OR5B12: variants seen among roughly 807,000 people sequenced by gnomAD.
OR5B12 encodes the protein olfactory receptor family 5 subfamily B member 12.
For missense variants in OR5B12, 418 were observed against 377.0 expected (o/e 1.11, Z -0.90); for synonymous variants, 154 against 138.0 (o/e 1.12, Z -0.81).
Position 58,440,073 on chromosome 11 carries a change from T to A in OR5B12, c.79A>T (p.Ile27Leu). 6.2e-7 allele frequency: 1 copy of A among 1,614,052 alleles called. No homozygotes were observed. Among genetic ancestry groups the A allele is most frequent in the Non-Finnish European group, 8.5e-7 (1 of 1,179,944 alleles). The change falls in exon 2 of 2, where the codon ATA (isoleucine) becomes TTA (leucine). Residue 27 changes from isoleucine to leucine, a missense_variant. Physicochemically the swap from Ile to Leu is conservative, Grantham distance 5. Coordinates refer to ENST00000641921, the MANE Select transcript of OR5B12 (RefSeq NM_001004733.3). ...DDPELQIPLFIVFLFIYLITL... is the reference protein window; with the variant it reads ...DDPELQIPLFLVFLFIYLITL... ...ATGAGGTAGATGAAAAGGAAGACTA[T>A]GAAGAGTGGGATCTGCAGTTCTGGG...
chr11:58,441,805 C>T (rs939733996), intron 1 of OR5B12, among the ~76,000 whole-genome samples: 4 of 152,076 alleles, frequency 2.6e-5, no homozygotes, highest in Non-Finnish European at 5.9e-5. Flanking sequence ...CATAAACATG[C>T]AAATATTCAA....
rs965479144 is a variant in OR5B12, at chr11:58,439,052, A to G, written c.*155T>C. The G allele has an allele frequency of 4.6e-6, 2 of 435,034 alleles. No homozygotes were observed. Among genetic ancestry groups the G allele is most frequent in the Non-Finnish European group, 8.2e-6 (2 of 243,288 alleles). The allele number at this position is 435,034 out of a possible 1,614,324, so 26.9% of individuals were successfully genotyped here. The stretch of plus-strand genomic sequence containing the variant: ...AAATGTCCAGATTTTAACAACAAAA[A>G]AAGTGTCACTTAAAGAATGAAGAAA... On this transcript the variant is annotated 3_prime_UTR_variant, in exon 2 of 2. Transcript: ENST00000641921.
chr11:58,439,972 G>A lies in OR5B12; in HGVS notation c.180C>T (p.Phe60=). ...DSCLHTPMYF[F]LSNLSLVDFG... Reference sequence around the variant, plus strand: ...AGTCCACCAGGGAGAGGTTACTGAGGAAGAAGTACATGGGGGTGTGGAGAC... The same window carrying A: ...AGTCCACCAGGGAGAGGTTACTGAGAAAGAAGTACATGGGGGTGTGGAGAC... Residue 60 remains phenylalanine, a synonymous_variant, in exon 2 of 2, where the codon TTC becomes TTT. Transcript: ENST00000641921. 6.2e-7 allele frequency: 1 copy of A among 1,614,146 alleles called. No individual in the cohort carries two copies. Among genetic ancestry groups the A allele is most frequent in the Non-Finnish European group, 8.5e-7 (1 of 1,180,044 alleles).
rs1025291527 is a variant in OR5B12, at chr11:58,442,205, T to G, written c.-179A>C. On this transcript the variant is annotated 5_prime_UTR_variant, in exon 1 of 2. Coordinates refer to ENST00000641921, the MANE Select transcript of OR5B12 (RefSeq NM_001004733.3). Reference sequence around the variant, plus strand: ...AAAGTTCTTTAGAGGCAGGGGGAAATTGAAAGAAAAATGCTATTGGCTTTG... The same window carrying G: ...AAAGTTCTTTAGAGGCAGGGGGAAAGTGAAAGAAAAATGCTATTGGCTTTG... 41 of 152,224 alleles carry G rather than the reference T, an allele frequency of 2.7e-4. No individual in the cohort carries two copies. Among genetic ancestry groups the G allele is most frequent in the African/African-American group, 9.9e-4 (41 of 41,542 alleles). 9.4% of individuals were successfully genotyped at this position (152,224 alleles called of 1,614,324 possible). A position where few individuals can be genotyped will look rare whatever the true frequency, so the allele number is the denominator to read the frequency against.
chr11:58,441,710 A>T (rs1855502765), intron 1 of OR5B12, among the ~76,000 whole-genome samples: 1 of 152,210 alleles, frequency 6.6e-6, no homozygotes. Flanking sequence ...ATATTATGTA[A>T]AATTACTTAG....
rs1378704974 is a variant in OR5B12, at chr11:58,439,652, C to T, written c.500G>A (p.Cys167Tyr). Residue 167 changes from cysteine (C) to tyrosine (Y), a missense_variant, in exon 2 of 2, where the codon TGT becomes TAT. By Grantham distance (194) the Cys-to-Tyr change is radical. Coordinates refer to ENST00000641921, the MANE Select transcript of OR5B12 (RefSeq NM_001004733.3). ...HTGNTFRLSFCRSNVVEHFFC... is the reference protein window; with the variant it reads ...HTGNTFRLSFYRSNVVEHFFC... The stretch of plus-strand genomic sequence containing the variant: ...AAAGTGTTCAACTACATTGGATCTA[C>T]AGAAGGAGAGCCTGAAAGTGTTCCC... The T allele has an allele frequency of 3.7e-6, 6 of 1,613,942 alleles. No homozygotes were observed. The Admixed American group carries it at 8.3e-5, about 22-fold the overall frequency.
Position 58,439,661 on chromosome 11 carries a change from A to C in OR5B12, c.491T>G (p.Leu164Arg), listed in dbSNP as rs758101851. The C allele has an allele frequency of 1.2e-6, 2 of 1,614,134 alleles. No individual in the cohort carries two copies. Among genetic ancestry groups the C allele is most frequent in the Non-Finnish European group, 1.7e-6 (2 of 1,180,010 alleles). Residue 164 changes from leucine to arginine, a missense_variant, in exon 2 of 2, where the codon CTC becomes CGC. By Grantham distance (102) the Leu-to-Arg change is moderately radical. Coordinates refer to ENST00000641921, the MANE Select transcript of OR5B12 (RefSeq NM_001004733.3). The part of the protein sequence containing the change: ...ASIHTGNTFR[L>R]SFCRSNVVEH... ...AACTACATTGGATCTACAGAAGGAG[A>C]GCCTGAAAGTGTTCCCAGTATGAAT... is the stretch of plus-strand genomic sequence containing the variant.
In OR5B12 at chr11:58,439,062, T is replaced by G. The variant is rs1590716814; in HGVS notation, c.*145A>C. The G allele has an allele frequency of 1.3e-5, 6 of 449,234 alleles. No homozygotes were observed. In the East Asian group the frequency reaches 2.0e-4, roughly 15 times the overall value. The allele number at this position is 449,234 out of a possible 1,614,324, so 27.8% of individuals were successfully genotyped here. On this transcript the variant is annotated 3_prime_UTR_variant, in exon 2 of 2. Transcript: ENST00000641921. Reference sequence around the variant, plus strand: ...ATTTTAACAACAAAAAAAGTGTCACTTAAAGAATGAAGAAAGTATGGCCAA... The same window carrying G: ...ATTTTAACAACAAAAAAAGTGTCACGTAAAGAATGAAGAAAGTATGGCCAA...
intron 1 of OR5B12, among the ~76,000 whole-genome samples, chr11:58,441,178 A>T (rs1770820193): frequency 6.6e-6 from 1 of 152,188 alleles, no homozygotes; most frequent in Admixed American, 6.5e-5. Flanking sequence ...ACATGAGATT[A>T]GGTCTCCTCA....
Position 58,440,115 on chromosome 11 carries a change from C to T in OR5B12, c.37G>A (p.Val13Met). The T allele has an allele frequency of 6.2e-7, 1 of 1,611,922 alleles. No individual in the cohort carries two copies. The highest frequency in any genetic ancestry group is 8.5e-7 in the Non-Finnish European group (1 of 1,178,882). ...NNTEVTEFIL[V>M]GLTDDPELQI... ...AGTTCTGGGTCATCAGTTAACCCCA[C>T]AAGGATGAATTCAGTCACCTCTGTG... Residue 13 changes from valine to methionine, a missense_variant, in exon 2 of 2, where the codon GTG (valine) becomes ATG (methionine). Transcript: ENST00000641921.
rs529863747 is a variant in OR5B12 at position 58,440,174 on chromosome 11, T to A, written c.-19-4A>T. 9 of 1,496,702 alleles carry A rather than the reference T, an allele frequency of 6.0e-6. No individual in the cohort carries two copies. The highest frequency in any genetic ancestry group is 3.6e-4 in the Middle Eastern group (2 of 5,592). 92.7% of individuals were successfully genotyped at this position (1,496,702 alleles called of 1,614,324 possible). On this transcript the variant is annotated splice_polypyrimidine_tract_variant and splice_region_variant and intron_variant, in intron 1 of 1. Coordinates refer to ENST00000641921, the MANE Select transcript of OR5B12 (RefSeq NM_001004733.3). Reference sequence around the variant, plus strand: ...CATTGGGAATTATGTAGCTGCCCTGTAGAAATGAAAAGGCAGAATCAGAAT... The same window carrying A: ...CATTGGGAATTATGTAGCTGCCCTGAAGAAATGAAAAGGCAGAATCAGAAT...
Position 58,441,192 on chromosome 11 carries a change from CA to C in OR5B12, c.-20+853del, listed in dbSNP as rs111299171. Among the ~76,000 whole-genome samples, 88 of 152,226 alleles carry C rather than the reference CA, an allele frequency of 5.8e-4. 1 individual carries two copies. The highest frequency in any genetic ancestry group is 2.0e-3 in the African/African-American group (84 of 41,556). ...CACATGAGATTAGGTCTCCTCATTCCAATAGTTAGTTGTGCCTTATGTAATT... is the reference window on the plus strand; with the variant it reads ...CACATGAGATTAGGTCTCCTCATTCCATAGTTAGTTGTGCCTTATGTAATT... On this transcript the variant is annotated intron_variant, in intron 1 of 1. Coordinates refer to ENST00000641921, the MANE Select transcript of OR5B12 (RefSeq NM_001004733.3).
In OR5B12 at chr11:58,439,181, A is replaced by G. The variant is rs767874828; in HGVS notation, c.*26T>C. On this transcript the variant is annotated 3_prime_UTR_variant, in exon 2 of 2. Transcript: ENST00000641921. ...CAAAGATTAATATGAGGTGGAAAAA[A>G]TTATCTTATTGTGAATTCTTTATAA... The G allele has an allele frequency of 4.5e-6, 6 of 1,339,552 alleles. No homozygotes were observed. In the Admixed American group the frequency reaches 1.4e-4, roughly 30 times the overall value. 83.0% of individuals were successfully genotyped at this position (1,339,552 alleles called of 1,614,324 possible). A position where few individuals can be genotyped will look rare whatever the true frequency, so the allele number is the denominator to read the frequency against.
chr11:58,441,593 G>C (rs1300449308), intron 1 of OR5B12, among the ~76,000 whole-genome samples: 1 of 152,008 alleles, frequency 6.6e-6, no homozygotes, highest in Non-Finnish European at 1.5e-5. Flanking sequence ...AGTCTAAAAT[G>C]CTTCCAAATC....
Position 58,440,090 on chromosome 11 carries a change from A to G in OR5B12, c.62T>C (p.Leu21Pro), listed in dbSNP as rs1488732314. The change falls in exon 2 of 2, where the codon CTG becomes CCG. Residue 21 changes from leucine (L) to proline (P), a missense_variant. Transcript: ENST00000641921. Reference protein sequence around the residue: ...ILVGLTDDPELQIPLFIVFLF... With the variant: ...ILVGLTDDPEPQIPLFIVFLF... The stretch of plus-strand genomic sequence containing the variant: ...GAAGACTATGAAGAGTGGGATCTGC[A>G]GTTCTGGGTCATCAGTTAACCCCAC... The G allele has an allele frequency of 1.2e-6, 2 of 1,613,832 alleles. No homozygotes were observed. The highest frequency in any genetic ancestry group is 2.7e-5 in the African/African-American group (2 of 74,926).
chr11:58,439,903 A>G lies in OR5B12; in HGVS notation c.249T>C (p.Phe83=). Residue 83 remains phenylalanine, a synonymous_variant, in exon 2 of 2, where the codon TTT becomes TTC. Coordinates refer to ENST00000641921, the MANE Select transcript of OR5B12 (RefSeq NM_001004733.3). ...SAVTPKVMVG[F]LTGDKFILYN... is the part of the protein sequence containing the mutation. ...ATAATATGAATTTGTCTCCTGTGAG[A>G]AACCCCACCATCACCTTGGGAGTGA... The G allele has an allele frequency of 8.1e-6, 13 of 1,614,124 alleles. No individual in the cohort carries two copies. Among genetic ancestry groups the G allele is most frequent in the Non-Finnish European group, 1.1e-5 (13 of 1,180,030 alleles).
chr11:58,439,504 G>A lies in OR5B12; in HGVS notation c.648C>T (p.Tyr216=). The A allele has an allele frequency of 6.2e-7, 1 of 1,613,986 alleles. No homozygotes were observed. The highest frequency in any genetic ancestry group is 8.5e-7 in the Non-Finnish European group (1 of 1,179,992). The change falls in exon 2 of 2, where the codon TAC becomes TAT. Residue 216 remains tyrosine, a synonymous_variant. Transcript: ENST00000641921. ...LFSILVILIS[Y]LFIFITIMKM... ...TCATGATGGTGATAAATATAAATAAGTAGGAGATCAAGATTACCAGGATAG... is the reference window on the plus strand; with the variant it reads ...TCATGATGGTGATAAATATAAATAAATAGGAGATCAAGATTACCAGGATAG...
Position 58,439,008 on chromosome 11 carries a change from T to C in OR5B12, c.*199A>G. Reference sequence around the variant, plus strand: ...GAGGAGAGATCTGATTTTTAGAATATGCTATTTTTTATTATTTAAAATGTC... The same window carrying C: ...GAGGAGAGATCTGATTTTTAGAATACGCTATTTTTTATTATTTAAAATGTC... On this transcript the variant is annotated 3_prime_UTR_variant, in exon 2 of 2. Transcript: ENST00000641921. 2.7e-6 allele frequency: 1 copy of C among 371,156 alleles called. No homozygotes were observed. 23.0% of individuals were successfully genotyped at this position (371,156 alleles called of 1,614,324 possible).
rs954047770 is a variant in OR5B12, at chr11:58,439,812, C to T, written c.340G>A (p.Ala114Thr). The T allele has an allele frequency of 1.2e-6, 2 of 1,613,860 alleles. No individual in the cohort carries two copies. Among genetic ancestry groups the T allele is most frequent in the Admixed American group, 3.3e-5 (2 of 59,966 alleles). ...AFITAESFLL[A>T]SMAYDRYAAL... ...GCATAGCGGTCATAGGCCATTGATGCCAGGAGGAAACTTTCTGCAGTGATA... is the reference window on the plus strand; with the variant it reads ...GCATAGCGGTCATAGGCCATTGATGTCAGGAGGAAACTTTCTGCAGTGATA... The change falls in exon 2 of 2, where the codon GCA becomes ACA. Residue 114 changes from alanine (A) to threonine (T), a missense_variant. By Grantham distance (58) the Ala-to-Thr change is moderately conservative. Coordinates refer to ENST00000641921, the MANE Select transcript of OR5B12 (RefSeq NM_001004733.3).
Sources: allele counts gnomAD v4.1 joint callset (sites outside exome capture counted in the v4.1 genomes callset), GRCh38; gene constraint gnomAD v4.1.1; transcripts MANE v1.5; gene names NCBI Gene and HGNC (gene_info 2026-07-23, HGNC 2026-07-21).